AGL: variants seen among roughly 807,000 people sequenced by gnomAD.
The protein encoded by AGL is amylo-alpha-1,6-glucosidase and 4-alpha-glucanotransferase.
In AGL, 128 loss-of-function variants were observed where a neutral mutation model predicts 199.3. The observed-to-expected ratio is 0.64, with a 90% CI of 0.56 to 0.74. The LOEUF (loss-of-function observed/expected upper bound fraction) is 0.74. Among genes scored for constraint, AGL ranks in the 30% least tolerant of loss-of-function variants. The probability of loss-of-function intolerance (pLI) is 0.00; values close to 1 mark genes in which losing one functional copy is unlikely to be tolerated. For synonymous variants in AGL, 584 were observed against 594.7 expected, an observed-to-expected ratio of 0.98 and a Z score of 0.26; for missense variants, 1,809 against 1,820.8, an observed-to-expected ratio of 0.99 and a Z score of 0.12.
In AGL at chr1:99,862,331, C is replaced by A. The variant is rs138607658; in HGVS notation, c.368C>A (p.Pro123His). The A allele has an allele frequency of 7.4e-6, 12 of 1,613,802 alleles. No individual in the cohort carries two copies. The South Asian group carries it at 1.2e-4, about 16-fold the overall frequency. Residue 123 changes from proline (P) to histidine (H), a missense_variant, in exon 4 of 34, where the codon CCC becomes CAC. By Grantham distance (77) the Pro-to-His change is moderately conservative. Transcript: ENST00000361915. ...LRVGADNHVL[P>H]LDCVTLQTFL... Reference sequence around the variant, plus strand: ...GTTGGTGCTGATAATCATGTGCTACCCTTGGACTGTGTTACTCTTCAGACA... The same window carrying A: ...GTTGGTGCTGATAATCATGTGCTACACTTGGACTGTGTTACTCTTCAGACA...
At chr1:99,898,237 C>T (rs200401281) in intron 25 of AGL, among the ~76,000 whole-genome samples, 4 of 151,776 alleles carry the variant, frequency 2.6e-5, no homozygotes, top group Admixed American at 1.3e-4. Flanking sequence ...TAGTAGAGAC[C>T]GGGTTTCACC....
At position 99,920,573 on chromosome 1, in the gene AGL, T is replaced by G. The variant is rs146306521; in HGVS notation, c.4482-961T>G. The stretch of plus-strand genomic sequence containing the variant: ...CTTGAATACTTGGAAACATACATTT[T>G]CTATATTTTCCATGTTTCTATGACA... On this transcript the variant is annotated intron_variant, in intron 33 of 33. Transcript: ENST00000361915. Among the ~76,000 whole-genome samples the G allele has an allele frequency of 2.8e-3, 428 of 152,334 alleles. 6 individuals carry two copies. The highest frequency in any genetic ancestry group is 2.4e-3 in the Non-Finnish European group (163 of 68,022).
intron 19 of AGL, 25 bp from the exon 20 acceptor site, chr1:99,884,544 A>G (rs1472932336): frequency 2.5e-6 from 4 of 1,612,850 alleles, no homozygotes; most frequent in Non-Finnish European, 3.4e-6. Flanking sequence ...CTAAAAATTA[A>G]CCACTTTTTA....
At chr1:99,884,502 T>C (rs1335432263) in intron 19 of AGL, 51 bp downstream of exon 19, 2 of 1,602,040 alleles carry the variant, frequency 1.2e-6, no homozygotes, top group African/African-American at 2.7e-5. Flanking sequence ...TAAAATAGTT[T>C]GCATATCCTG....
Position 99,881,389 on chromosome 1 carries a change from C to G in AGL, c.2099C>G (p.Ala700Gly). Residue 700 changes from alanine (A) to glycine (G), a missense_variant, in exon 16 of 34, where the codon GCA (alanine) becomes GGA (glycine). Physicochemically the swap from Ala to Gly is moderately conservative, Grantham distance 60 (BLOSUM62 0). Transcript: ENST00000361915. The stretch of plus-strand genomic sequence containing the variant: ...GTTAATTTCCAAAGCGGCATTATTG[C>G]AGCCAGGTGTGCTATCAGTAAACTT... ...GEVNFQSGII[A>G]ARCAISKLHQ... 2 of 1,614,158 alleles carry G rather than the reference C, an allele frequency of 1.2e-6. No individual in the cohort carries two copies. The highest frequency in any genetic ancestry group is 1.7e-6 in the Non-Finnish European group (2 of 1,180,008).
At chr1:99,854,853 CTA>C (rs1395500094) in intron 2 of AGL, among the ~76,000 whole-genome samples, 1 of 151,680 alleles carries the variant, frequency 6.6e-6, no homozygotes. Flanking sequence ...ATTGAGAAGG[CTA>C]TTTTAAAAAC....
At chr1:99,861,013 T>C (rs1436262937) in intron 2 of AGL, among the ~76,000 whole-genome samples, 1 of 152,248 alleles carries the variant, frequency 6.6e-6, no homozygotes, top group Non-Finnish European at 1.5e-5. Flanking sequence ...CAGTGAAGAC[T>C]AGCTTTCTCA....
chr1:99,874,116 A>G (rs1312563975), intron 7 of AGL, among the ~76,000 whole-genome samples: 1 of 152,150 alleles, frequency 6.6e-6, no homozygotes, highest in East Asian at 1.9e-4. Flanking sequence ...TGCTTCTTTT[A>G]GAGAATTCAA....
chr1:99,870,233 TA>T (rs1650875422), intron 5 of AGL, among the ~76,000 whole-genome samples, 166 bp from the exon 6 acceptor site: 1 of 151,866 alleles, frequency 6.6e-6, no homozygotes, highest in South Asian at 2.1e-4. Flanking sequence ...TAGGATACCA[TA>T]ACCAAAGAAA....
intron 25 of AGL, among the ~76,000 whole-genome samples, chr1:99,899,800 T>C (rs982336144): frequency 2.0e-4 from 30 of 152,026 alleles, no homozygotes; most frequent in Non-Finnish European, 3.1e-4. Flanking sequence ...TTTTGTGTTT[T>C]TAGTAGAGAC....
At chr1:99,880,582 C>T in intron 13 of AGL, 50 bp from the exon 14 acceptor site, 1 of 1,584,154 alleles carries the variant, frequency 6.3e-7, no homozygotes, top group Non-Finnish European at 8.7e-7. Flanking sequence ...CTAACCTCTT[C>T]CTGGACATAA....
chr1:99,889,441 G>A (rs1489883367), intron 21 of AGL, among the ~76,000 whole-genome samples: 2 of 152,122 alleles, frequency 1.3e-5, no homozygotes, highest in African/African-American at 2.4e-5. Context: ...AGCCAGACAT[G>A]GTGGCTTCCA....
At chr1:99,899,530 T>TCTTTCTCTC (rs550883261) in intron 25 of AGL, among the ~76,000 whole-genome samples, 1 of 146,858 alleles carries the variant, frequency 6.8e-6, no homozygotes, top group South Asian at 2.1e-4. Flanking sequence ...CTCTCTCTCT[T>TCTTTCTCTC]TCTCTCTCTC....
chr1:99,917,145 TGTTA>T (rs1207126209), intron 33 of AGL, among the ~76,000 whole-genome samples: 2 of 152,182 alleles, frequency 1.3e-5, no homozygotes, highest in Non-Finnish European at 2.9e-5. Context: ...GTCTTTTGCC[TGTTA>T]GTTCAAAAAA....
At position 99,884,388 on chromosome 1, in the gene AGL, C is replaced by G. The variant is rs1394089319; in HGVS notation, c.2483C>G (p.Pro828Arg). Reference sequence around the variant, plus strand: ...CAAGCTGGAGTTGCCACAAAAGGGCCCAATGAATATATTCAAGAAATAGAA... The same window carrying G: ...CAAGCTGGAGTTGCCACAAAAGGGCGCAATGAATATATTCAAGAAATAGAA... The part of the protein sequence containing the change: ...VKQAGVATKG[P>R]NEYIQEIEFE... The change falls in exon 19 of 34, where the codon CCC becomes CGC. Residue 828 changes from proline (P) to arginine (R), a missense_variant. By Grantham distance (103) the Pro-to-Arg change is moderately radical (BLOSUM62 -2). Transcript: ENST00000361915. The G allele has an allele frequency of 6.2e-7, 1 of 1,611,348 alleles. No individual in the cohort carries two copies. Among genetic ancestry groups the G allele is most frequent in the African/African-American group, 1.3e-5 (1 of 74,358 alleles).
At chr1:99,852,040 C>T (rs1648993454) in intron 2 of AGL, among the ~76,000 whole-genome samples, 1 of 151,844 alleles carries the variant, frequency 6.6e-6, no homozygotes, top group East Asian at 1.9e-4. Flanking sequence ...TTTTTTTTCC[C>T]CCTCCCCTGT....
chr1:99,913,501 C>G, intron 29 of AGL, 26 bp from the exon 30 acceptor site: 1 of 1,554,386 alleles, frequency 6.4e-7, no homozygotes, highest in South Asian at 1.1e-5. Flanking sequence ...ATGATTAAAA[C>G]TACCATGTCT....
chr1:99,869,862 G>GTTGC (rs1201457774), intron 5 of AGL, among the ~76,000 whole-genome samples: 1 of 152,106 alleles, frequency 6.6e-6, no homozygotes, highest in African/African-American at 2.4e-5. Context: ...GTTTCACTGT[G>GTTGC]TTGCCCAAGC....
chr1:99,881,002 C>T, intron 14 of AGL, 74 bp from the exon 15 acceptor site: 1 of 1,339,230 alleles, frequency 7.5e-7, no homozygotes. Flanking sequence ...TATCCTTTTA[C>T]TTCATTATGC....
Sources: gnomAD v4.1 joint callset for allele counts (sites outside exome capture counted in the v4.1 genomes callset) on GRCh38, gnomAD v4.1.1 for gene constraint, MANE v1.5 for transcripts, NCBI Gene and HGNC (gene_info 2026-07-23, HGNC 2026-07-21) for gene names.